LLGL1: variants seen among roughly 807,000 people sequenced by gnomAD.
LLGL1 encodes LLGL scribble cell polarity complex component 1.
In LLGL1, 58 loss-of-function variants were observed where a neutral mutation model predicts 110.6. The observed-to-expected ratio is 0.52, with a 90% CI of 0.42 to 0.65. The LOEUF is 0.65. Ranked by LOEUF, LLGL1 falls within the 30% of genes least tolerant of loss-of-function variation. The pLI is 0.00. For missense variants in LLGL1, 1,229 were observed against 1,462.1 expected (o/e 0.84, Z 2.60); for synonymous variants, 674 against 607.2 (o/e 1.11, Z -1.62).
chr17:18,238,963 A>G (rs1356082182), intron 16 of LLGL1, among the ~76,000 whole-genome samples: 2 of 152,134 alleles, frequency 1.3e-5, no homozygotes, highest in East Asian at 3.9e-4. Flanking sequence ...GTGAGCCGAG[A>G]TCGTACCACT....
chr17:18,232,907 G>A lies in LLGL1; in HGVS notation c.392+105G>A, dbSNP rs1322954118. On this transcript the variant is annotated intron_variant, in intron 4 of 22. Transcript: ENST00000316843. ...AGCATGGAGATGGGCAGCGGTTCAGGGCGGGATGCCTTGAGCTGGGCCTGG... is the reference window on the plus strand; with the variant it reads ...AGCATGGAGATGGGCAGCGGTTCAGAGCGGGATGCCTTGAGCTGGGCCTGG... 4.1e-6 allele frequency: 6 copies of A among 1,463,910 alleles called. No homozygotes were observed. In the East Asian group the frequency reaches 1.4e-4, roughly 33 times the overall value. 90.7% of individuals were successfully genotyped at this position (1,463,910 alleles called of 1,614,324 possible).
chr17:18,234,426 C>A lies in LLGL1; in HGVS notation c.850+18C>A, dbSNP rs575001404. The A allele has an allele frequency of 1.2e-6, 2 of 1,609,524 alleles. No homozygotes were observed. The highest frequency in any genetic ancestry group is 1.7e-6 in the Non-Finnish European group (2 of 1,178,216). On this transcript the variant is annotated intron_variant, in intron 7 of 22. Coordinates refer to ENST00000316843, the MANE Select transcript of LLGL1 (RefSeq NM_004140.4). ...ACCTTACGGTGAGTGCTGGGGACAC[C>A]TTAGCCAGAGGGTGGTGATGGGAGG...
At position 18,241,463 on chromosome 17, in the gene LLGL1, C is replaced by T. The variant is rs773581655; in HGVS notation, c.2515C>T (p.Pro839Ser). Residue 839 changes from proline to serine, a missense_variant, in exon 18 of 23, where the codon CCC (proline) becomes TCC (serine). Coordinates refer to ENST00000316843, the MANE Select transcript of LLGL1 (RefSeq NM_004140.4). ...SEEQFKVFTL[P>S]KVSAKTKFKL... is the part of the protein sequence containing the mutation. ...CACCTGCTGTCAGGTGTTCACACTG[C>T]CCAAGGTGAGCGCGAAGACCAAGTT... is the stretch of plus-strand genomic sequence containing the variant. 6.2e-7 allele frequency: 1 copy of T among 1,612,892 alleles called. No homozygotes were observed. The highest frequency in any genetic ancestry group is 8.5e-7 in the Non-Finnish European group (1 of 1,179,854).
chr17:18,235,856 G>T, intron 11 of LLGL1: 2 of 358,854 alleles, frequency 5.6e-6, no homozygotes, highest in East Asian at 5.5e-5. Flanking sequence ...AGAGCCCAGC[G>T]TGGGCCTGGC....
At chr17:18,226,194 C>T (rs2047437797) in intron 1 of LLGL1, among the ~76,000 whole-genome samples, 1 of 152,116 alleles carries the variant, frequency 6.6e-6, no homozygotes, top group African/African-American at 2.4e-5. Flanking sequence ...TATCTCTCTG[C>T]CTCTCATTTC....
Position 18,234,640 on chromosome 17 carries a change from A to G in LLGL1, c.851-9A>G. On this transcript the variant is annotated splice_polypyrimidine_tract_variant and intron_variant, in intron 7 of 22. Transcript: ENST00000316843. ...AGTGAGTCTGGTCTGACGCTGTCCC[A>G]CCCCTCAGGCCCCTTTCCCTGCAAG... The G allele has an allele frequency of 3.7e-6, 6 of 1,613,848 alleles. No homozygotes were observed. The highest frequency in any genetic ancestry group is 5.1e-6 in the Non-Finnish European group (6 of 1,179,944).
Position 18,236,843 on chromosome 17 carries a change from CT to C in LLGL1, c.1517del (p.Phe506SerfsTer52). On this transcript the variant is annotated frameshift_variant, in exon 13 of 23. Coordinates refer to ENST00000316843, the MANE Select transcript of LLGL1 (RefSeq NM_004140.4). ...CCTTCCCATCCCTCTAGGTGGGCTG[CT>C]TCGATCCCTACAGTGACGATCCCCG... ...DWPPFRKVGC[F>X]DPYSDDPRLG... is the part of the protein sequence containing the mutation. 1 of 1,613,798 alleles carries C rather than the reference CT, an allele frequency of 6.2e-7. No homozygotes were observed. Among genetic ancestry groups the C allele is most frequent in the Non-Finnish European group, 8.5e-7 (1 of 1,179,960 alleles).
At chr17:18,226,531 C>T (rs1270125307) in intron 1 of LLGL1, among the ~76,000 whole-genome samples, 2 of 152,210 alleles carry the variant, frequency 1.3e-5, no homozygotes, top group Non-Finnish European at 1.5e-5. Context: ...CCCGGGGCTC[C>T]GAGTCCAGGG....
intron 2 of LLGL1, among the ~76,000 whole-genome samples, chr17:18,232,204 A>G (rs775953856): frequency 3.3e-5 from 5 of 152,258 alleles, no homozygotes; most frequent in Admixed American, 1.3e-4. Flanking sequence ...TTGATCTGCA[A>G]CAGTCCTGTA....
At position 18,234,182 on chromosome 17, in the gene LLGL1, A is replaced by G. The variant is rs1224262982; in HGVS notation, c.714+7A>G. 1 of 1,599,908 alleles carries G rather than the reference A, an allele frequency of 6.3e-7. No homozygotes were observed. Among genetic ancestry groups the G allele is most frequent in the Non-Finnish European group, 8.5e-7 (1 of 1,170,832 alleles). On this transcript the variant is annotated splice_region_variant and intron_variant, in intron 6 of 22. Coordinates refer to ENST00000316843, the MANE Select transcript of LLGL1 (RefSeq NM_004140.4). ...CATCTTCCTGGGGAACCAGGTATGT[A>G]GGTGAGGCCTGTGTCCCCTCAGCCT...
intron 21 of LLGL1, 32 bp from the exon 22 acceptor site, chr17:18,242,711 C>A: frequency 6.4e-7 from 1 of 1,561,288 alleles, no homozygotes; most frequent in Non-Finnish European, 8.7e-7. Context: ...GCTCCCCCGC[C>A]CCCACCCCTG....
At position 18,234,685 on chromosome 17, in the gene LLGL1, G is replaced by A; in HGVS notation, c.887G>A (p.Trp296Ter). The change falls in exon 8 of 23, where the codon TGG (tryptophan) becomes TAG (stop). Residue 296 changes from tryptophan (W) to a stop codon, truncating the protein, a stop_gained. Transcript: ENST00000316843. LOFTEE classifies it high-confidence loss of function. The part of the protein sequence containing the change: ...FPCKAINKIL[W>*]RNCESGGHFI... ...TGCAAGGCCATTAACAAGATTCTGT[G>A]GCGGAACTGTGAATCTGGGTAGGTC... The A allele has an allele frequency of 6.2e-7, 1 of 1,614,150 alleles. No individual in the cohort carries two copies. The highest frequency in any genetic ancestry group is 8.5e-7 in the Non-Finnish European group (1 of 1,180,026).
chr17:18,235,452 T>C lies in LLGL1; in HGVS notation c.1285-18T>C. The C allele has an allele frequency of 6.2e-7, 1 of 1,614,040 alleles. No individual in the cohort carries two copies. Among genetic ancestry groups the C allele is most frequent in the Non-Finnish European group, 8.5e-7 (1 of 1,179,968 alleles). ...TTCGTCCTAACCTTGTGCATACATCTCTGCCACCCCCTCCCAGAGCTGGCC... is the reference window on the plus strand; with the variant it reads ...TTCGTCCTAACCTTGTGCATACATCCCTGCCACCCCCTCCCAGAGCTGGCC... On this transcript the variant is annotated intron_variant, in intron 10 of 22. Transcript: ENST00000316843.
rs554350607 is a variant in LLGL1, at chr17:18,232,853, G to A, written c.392+51G>A. ...GCCACCGGGCAGGGAGGATCTGGGG[G>A]AGGCTGTGGGAACCTGCTGTGCAAA... On this transcript the variant is annotated intron_variant, in intron 4 of 22. Transcript: ENST00000316843. 141 of 1,609,468 alleles carry A rather than the reference G, an allele frequency of 8.8e-5. No homozygotes were observed. In the East Asian group the frequency reaches 2.8e-3, roughly 32 times the overall value.
At chr17:18,241,307 C>A in intron 17 of LLGL1, 144 bp from the exon 18 acceptor site, 1 of 998,658 alleles carries the variant, frequency 1.0e-6, no homozygotes, top group Non-Finnish European at 1.4e-6. Flanking sequence ...TTTAGTGGGG[C>A]AGCCAGGTGT....
In LLGL1 at chr17:18,240,595, A is replaced by C. The variant is rs1426633626; in HGVS notation, c.2224A>C (p.Thr742Pro). ...TTCTGCAGGGGCCCACCACGGGCCC[A>C]CCATGTGGGCTGGCACCAACTCAGG... is the stretch of plus-strand genomic sequence containing the variant. ...FLRDGAHHGP[T>P]MWAGTNSGSV... The change falls in exon 17 of 23, where the codon ACC becomes CCC. Residue 742 changes from threonine (T) to proline (P), a missense_variant. Coordinates refer to ENST00000316843, the MANE Select transcript of LLGL1 (RefSeq NM_004140.4). The surrounding 1 kb of genome is among the most constrained non-coding windows in gnomAD (Gnocchi z 5.3). 1 of 1,599,170 alleles carries C rather than the reference A, an allele frequency of 6.3e-7. No homozygotes were observed. The highest frequency in any genetic ancestry group is 1.3e-5 in the African/African-American group (1 of 74,664).
At chr17:18,227,352 G>A (rs1264138772) in intron 1 of LLGL1, among the ~76,000 whole-genome samples, 1 of 151,908 alleles carries the variant, frequency 6.6e-6, no homozygotes, top group African/African-American at 2.4e-5. Flanking sequence ...GAGGAGAATG[G>A]CCCTTCAGGG....
At chr17:18,243,505 A>C (rs2047901451) in intron 22 of LLGL1, among the ~76,000 whole-genome samples, 1 of 152,330 alleles carries the variant, frequency 6.6e-6, no homozygotes, top group African/African-American at 2.4e-5. Context: ...GAGGTGCACG[A>C]GGTCAGGTCT....
chr17:18,241,291 CTG>C (rs2047825313), intron 17 of LLGL1, 158 bp from the exon 18 acceptor site: 1 of 838,018 alleles, frequency 1.2e-6, no homozygotes, highest in African/African-American at 1.7e-5. Context: ...AGTGTGAAGT[CTG>C]GAGTTTAGTG....
Sources: allele counts gnomAD v4.1 joint callset (sites outside exome capture counted in the v4.1 genomes callset), GRCh38; gene constraint gnomAD v4.1.1; non-coding constraint Gnocchi (gnomAD v3.1); transcripts MANE v1.5; gene names NCBI Gene and HGNC (gene_info 2026-07-23, HGNC 2026-07-21).